MACROD2: variants seen among roughly 807,000 people sequenced by gnomAD.
MACROD2 encodes the protein ADP-ribose glycohydrolase MACROD2.
A neutral mutation model predicts 70.4 loss-of-function variants in MACROD2; 36 were observed. The ratio of observed to expected loss-of-function variants is 0.51; its 90% CI spans 0.39 to 0.68. MACROD2 has a LOEUF of 0.68. Among genes scored for constraint, MACROD2 ranks in the 30% least tolerant of loss-of-function variants. MACROD2 has a pLI of 0.00. For synonymous variants in MACROD2, 172 were observed against 178.8 expected, an observed-to-expected ratio of 0.96 and a Z score of 0.30; for missense variants, 496 against 538.4, an observed-to-expected ratio of 0.92 and a Z score of 0.78.
intron 8 of MACROD2, among the ~76,000 whole-genome samples, chr20:15,684,178 C>T (rs1269866378): frequency 1.3e-5 from 2 of 152,156 alleles, no homozygotes; most frequent in Admixed American, 6.6e-5. Flanking sequence ...TGATGGTCCA[C>T]CCCAGATTGG....
intron 5 of MACROD2, among the ~76,000 whole-genome samples, chr20:14,909,644 C>A (rs1001036915): frequency 2.0e-5 from 3 of 152,002 alleles, no homozygotes; most frequent in Non-Finnish European, 4.4e-5. Flanking sequence ...GAAACTCTGA[C>A]CTACCTCTTT....
intron 5 of MACROD2, among the ~76,000 whole-genome samples, chr20:14,907,840 G>A (rs1392684716): frequency 6.6e-6 from 1 of 152,014 alleles, no homozygotes; most frequent in Admixed American, 6.6e-5. Context: ...ATCTGTTTTT[G>A]GTTTTGCCTT....
At chr20:14,017,745 A>G (rs974883661) in intron 2 of MACROD2, among the ~76,000 whole-genome samples, 19 of 151,984 alleles carry the variant, frequency 1.3e-4, no homozygotes, top group Admixed American at 1.3e-4. Context: ...TTCATAAAGG[A>G]TATTGGTCTG....
chr20:14,616,188 G>A lies in MACROD2; in HGVS notation c.302-68655G>A, dbSNP rs145496221. Reference sequence around the variant, plus strand: ...TCTGTCATGGCCATATAAACAGCACGTATGTGGTCTGAGCCCAGTCATGTT... The same window carrying A: ...TCTGTCATGGCCATATAAACAGCACATATGTGGTCTGAGCCCAGTCATGTT... On this transcript the variant is annotated intron_variant, in intron 4 of 17. Transcript: ENST00000684519. Among the ~76,000 whole-genome samples, 1,217 of 152,246 alleles carry A rather than the reference G, an allele frequency of 8.0e-3. 11 individuals are homozygous for A. Among genetic ancestry groups the A allele is most frequent in the South Asian group, 0.016 (76 of 4,824 alleles).
chr20:14,511,734 A>G (rs1020653043), intron 4 of MACROD2, among the ~76,000 whole-genome samples: 1 of 141,090 alleles, frequency 7.1e-6, no homozygotes, highest in Non-Finnish European at 1.5e-5. Context: ...AAATTTATTC[A>G]TATATATTAA....
At chr20:15,118,197 T>TA (rs2076005246) in intron 5 of MACROD2, among the ~76,000 whole-genome samples, 1 of 41,710 alleles carries the variant, frequency 2.4e-5, no homozygotes, top group African/African-American at 5.0e-5. Context: ...TAATTTTAAA[T>TA]TTTTTTTTTT....
chr20:15,282,104 A>C (rs771148282), intron 6 of MACROD2, among the ~76,000 whole-genome samples: 32 of 152,218 alleles, frequency 2.1e-4, no homozygotes, highest in Non-Finnish European at 4.0e-4. Flanking sequence ...GACTCAAGGC[A>C]CCAAGTCCAA....
At chr20:15,202,180 C>G (rs1471873409) in intron 5 of MACROD2, among the ~76,000 whole-genome samples, 1 of 152,134 alleles carries the variant, frequency 6.6e-6, no homozygotes, top group Non-Finnish European at 1.5e-5. Context: ...GAAGTCATAT[C>G]ATTTTAGCTA....
chr20:15,457,956 A>AG (rs1463124178), intron 7 of MACROD2, among the ~76,000 whole-genome samples: 5 of 150,746 alleles, frequency 3.3e-5, no homozygotes, highest in South Asian at 2.1e-4. Context: ...AATGAAAAAA[A>AG]AAAAAAGAAA....
chr20:14,570,065 G>T (rs559493539), intron 4 of MACROD2, among the ~76,000 whole-genome samples: 4 of 151,982 alleles, frequency 2.6e-5, no homozygotes, highest in African/African-American at 9.7e-5. Context: ...ATCAACATGT[G>T]CAAGAATGTG....
intron 3 of MACROD2, among the ~76,000 whole-genome samples, chr20:14,243,343 CTG>C (rs1422762656): frequency 1.3e-5 from 2 of 152,160 alleles, no homozygotes; most frequent in African/African-American, 4.8e-5. Context: ...GACCATTTGA[CTG>C]TTTCTCTCCA....
At chr20:15,517,748 G>A (rs183165527) in intron 8 of MACROD2, among the ~76,000 whole-genome samples, 55 of 152,288 alleles carry the variant, frequency 3.6e-4, no homozygotes, top group South Asian at 1.0e-3. Flanking sequence ...CCCCTTGTGC[G>A]CAGGGTCCCT....
intron 16 of MACROD2, among the ~76,000 whole-genome samples, chr20:16,041,587 C>A (rs1248979074): frequency 1.3e-5 from 2 of 151,878 alleles, no homozygotes; most frequent in Non-Finnish European, 2.9e-5. Context: ...TTTATGGAAG[C>A]ATTACTTACT....
At chr20:14,792,147 A>G (rs1278912573) in intron 5 of MACROD2, among the ~76,000 whole-genome samples, 1 of 152,006 alleles carries the variant, frequency 6.6e-6, no homozygotes, top group Non-Finnish European at 1.5e-5. Context: ...AACTTAGCGA[A>G]CTGTTTGTTA....
chr20:15,033,069 CAG>C (rs938614414), intron 5 of MACROD2, among the ~76,000 whole-genome samples: 32 of 152,006 alleles, frequency 2.1e-4, no homozygotes, highest in African/African-American at 6.8e-4. Context: ...GGAGCTGGGA[CAG>C]GGGAGGATGG....
intron 8 of MACROD2, among the ~76,000 whole-genome samples, chr20:15,619,194 C>A (rs1356254103): frequency 6.6e-6 from 1 of 152,174 alleles, no homozygotes; most frequent in Non-Finnish European, 1.5e-5. Context: ...CATCTTGTGG[C>A]TAATCTGTTA....
At chr20:15,724,610 T>G (rs2050834777) in intron 8 of MACROD2, among the ~76,000 whole-genome samples, 1 of 152,210 alleles carries the variant, frequency 6.6e-6, no homozygotes, top group Non-Finnish European at 1.5e-5. Context: ...TGTGCATCTA[T>G]TTCTGGCCTG....
intron 2 of MACROD2, among the ~76,000 whole-genome samples, chr20:14,041,916 A>AG (rs1207714508): frequency 6.6e-6 from 1 of 152,094 alleles, no homozygotes; most frequent in Non-Finnish European, 1.5e-5. Flanking sequence ...GAGACTCTTG[A>AG]GGGAAGTAAA....
chr20:14,343,418 T>C (rs1346603977), intron 3 of MACROD2, among the ~76,000 whole-genome samples: 1 of 152,144 alleles, frequency 6.6e-6, no homozygotes, highest in Non-Finnish European at 1.5e-5. Flanking sequence ...TAATTTCCTA[T>C]TATGGACTTC....
Sources: allele counts gnomAD v4.1 joint callset (sites outside exome capture counted in the v4.1 genomes callset), GRCh38; gene constraint gnomAD v4.1.1; transcripts MANE v1.5; gene names NCBI Gene and HGNC (gene_info 2026-07-23, HGNC 2026-07-21).